TASP1: variants seen among roughly 807,000 people sequenced by gnomAD.
TASP1 encodes threonine aspartase 1.
In TASP1, 16 loss-of-function variants were observed where a neutral mutation model predicts 56.6. The observed-to-expected ratio is 0.28, with a 90% CI of 0.19 to 0.43. The LOEUF (loss-of-function observed/expected upper bound fraction) is 0.43, where lower values mean the gene tolerates loss of function less well. Among genes scored for constraint, TASP1 ranks in the 20% least tolerant of loss-of-function variants. The probability of loss-of-function intolerance (pLI) is 1.00; values close to 1 mark genes in which losing one functional copy is unlikely to be tolerated. For missense variants in TASP1, 393 were observed against 511.6 expected, an observed-to-expected ratio of 0.77 and a Z score of 2.24; for synonymous variants, 179 against 184.2, an observed-to-expected ratio of 0.97 and a Z score of 0.23.
At chr20:13,300,009 T>C in the TASP1 span, 1 of 152,510 alleles carries the variant, frequency 6.6e-6, no homozygotes, top group South Asian at 2.1e-4. Flanking sequence ...AATGGAAATA[T>C]ATCAAAACAT....
At chr20:13,291,424 T>C in the TASP1 span, among the ~76,000 whole-genome samples, 3 of 152,190 alleles carry the variant, frequency 2.0e-5, no homozygotes, top group African/African-American at 4.8e-5. Flanking sequence ...GTCCTGTAGG[T>C]CAACCCTGCA....
intron 12 of TASP1, among the ~76,000 whole-genome samples, chr20:13,432,431 C>A (rs1018242234): frequency 6.6e-6 from 1 of 152,164 alleles, no homozygotes; most frequent in African/African-American, 2.4e-5. Context: ...ATCTTTGATT[C>A]CTGTCCTTCT....
chr20:13,496,485 TAAA>T (rs56129321), intron 10 of TASP1, among the ~76,000 whole-genome samples: 85 of 146,618 alleles, frequency 5.8e-4, no homozygotes, highest in Admixed American at 3.1e-3. Context: ...ATTTCCTACT[TAAA>T]AAAAAAAAAA....
chr20:13,302,141 T>A, the TASP1 span, among the ~76,000 whole-genome samples: 1 of 152,126 alleles, frequency 6.6e-6, no homozygotes, highest in Non-Finnish European at 1.5e-5. Context: ...TAGAGTGAAA[T>A]CTCAAAGAGA....
chr20:13,365,410 T>G, the TASP1 span, among the ~76,000 whole-genome samples: 9 of 152,092 alleles, frequency 5.9e-5, no homozygotes, highest in African/African-American at 2.2e-4. Context: ...GAGTTGTGAG[T>G]GCCATAATAA....
chr20:13,250,033 G>T, the TASP1 span, among the ~76,000 whole-genome samples: 106 of 152,234 alleles, frequency 7.0e-4, no homozygotes, highest in Middle Eastern at 0.01. Flanking sequence ...AGGGGAACTG[G>T]ATATAAAAGC....
intron 10 of TASP1, among the ~76,000 whole-genome samples, chr20:13,512,914 A>C (rs1368641207): frequency 2.6e-5 from 4 of 152,036 alleles, no homozygotes; most frequent in African/African-American, 9.7e-5. Context: ...ATGGTTGTAG[A>C]TGTGTGATAT....
intron 8 of TASP1, among the ~76,000 whole-genome samples, chr20:13,548,421 AC>A (rs2045878291): frequency 6.6e-6 from 1 of 152,164 alleles, no homozygotes; most frequent in African/African-American, 2.4e-5. Context: ...AAAACAGGCA[AC>A]TGGAACAGGT....
At chr20:13,263,366 C>T in the TASP1 span, among the ~76,000 whole-genome samples, 24 of 151,654 alleles carry the variant, frequency 1.6e-4, no homozygotes, top group African/African-American at 5.3e-4. Flanking sequence ...CTCCTAGGAT[C>T]GTGGTCTCCA....
At chr20:13,509,124 A>ATGTGTGT (rs2044233630) in intron 10 of TASP1, among the ~76,000 whole-genome samples, 1 of 142,778 alleles carries the variant, frequency 7.0e-6, no homozygotes, top group Non-Finnish European at 1.5e-5. Context: ...GAATGAAGAA[A>ATGTGTGT]GTGTGTGTGT....
At chr20:13,367,910 C>T in the TASP1 span, among the ~76,000 whole-genome samples, 4 of 152,130 alleles carry the variant, frequency 2.6e-5, no homozygotes, top group African/African-American at 7.2e-5. Context: ...CCAGCTACCC[C>T]GGAGCTATGA....
the TASP1 span, among the ~76,000 whole-genome samples, chr20:13,334,227 CAGG>C: frequency 6.6e-6 from 1 of 152,130 alleles, no homozygotes; most frequent in Admixed American, 6.6e-5. Context: ...ACTAGAACCA[CAGG>C]TCATATATTT....
At chr20:13,591,613 C>A (rs772043387) in intron 4 of TASP1, among the ~76,000 whole-genome samples, 16 of 152,210 alleles carry the variant, frequency 1.1e-4, no homozygotes, top group Admixed American at 8.5e-4. Flanking sequence ...AAAAAAGACA[C>A]CACATGTAAA....
At chr20:13,567,873 G>A (rs2046588800) in intron 7 of TASP1, among the ~76,000 whole-genome samples, 2 of 152,168 alleles carry the variant, frequency 1.3e-5, no homozygotes, top group African/African-American at 4.8e-5. Flanking sequence ...GTCCAGGATG[G>A]CAGCCACACA....
intron 4 of TASP1, among the ~76,000 whole-genome samples, chr20:13,599,232 C>G (rs937915323): frequency 6.6e-6 from 1 of 152,042 alleles, no homozygotes; most frequent in African/African-American, 2.4e-5. Context: ...TGCACACATA[C>G]GTTTATTTCA....
chr20:13,136,619 A>T, the TASP1 span, among the ~76,000 whole-genome samples: 1 of 94,248 alleles, frequency 1.1e-5, no homozygotes, highest in South Asian at 6.6e-4. Context: ...ATATATATAT[A>T]ATATACATAT....
the TASP1 span, among the ~76,000 whole-genome samples, chr20:13,126,258 G>T: frequency 6.6e-6 from 1 of 152,134 alleles, no homozygotes; most frequent in Admixed American, 6.5e-5. Flanking sequence ...TTTGGGCACT[G>T]AACACAAAGT....
chr20:13,424,650 G>A (rs1435786090), intron 12 of TASP1, among the ~76,000 whole-genome samples: 1 of 152,046 alleles, frequency 6.6e-6, no homozygotes, highest in Non-Finnish European at 1.5e-5. Flanking sequence ...TCCATCTAGA[G>A]AAGCTTCTAG....
the TASP1 span, among the ~76,000 whole-genome samples, chr20:13,363,848 G>A: frequency 2.0e-5 from 3 of 151,262 alleles, no homozygotes; most frequent in Non-Finnish European, 4.4e-5. Context: ...GTGTGTGTGA[G>A]TGGAAAGAAA....
Sources: gnomAD v4.1 joint callset for allele counts (sites outside exome capture counted in the v4.1 genomes callset) on GRCh38, gnomAD v4.1.1 for gene constraint, MANE v1.5 for transcripts, NCBI Gene and HGNC (gene_info 2026-07-23, HGNC 2026-07-21) for gene names.